Variants in SERGEF observed in about 807,000 individuals in gnomAD.
SERGEF encodes secretion-regulating guanine nucleotide exchange factor.
A neutral mutation model predicts 50.0 loss-of-function variants in SERGEF; 51 were observed. The ratio of observed to expected loss-of-function variants is 1.02; its 90% CI spans 0.81 to 1.29. The LOEUF is 1.29. SERGEF is among the 50% of genes most tolerant of loss of function. The pLI is 0.00. For missense variants in SERGEF, 521 were observed against 557.0 expected (o/e 0.94, Z 0.65); for synonymous variants, 205 against 212.4 (o/e 0.97, Z 0.30).
intron 10 of SERGEF, among the ~76,000 whole-genome samples, chr11:17,874,518 G>GA (rs1445117430): frequency 6.6e-6 from 1 of 152,192 alleles, no homozygotes; most frequent in African/African-American, 2.4e-5. Flanking sequence ...AACTTAATTG[G>GA]AAAACTAAGG....
chr11:17,788,272 A>T lies in SERGEF; in HGVS notation c.1190T>A (p.Leu397Ter). The T allele has an allele frequency of 1.9e-6, 3 of 1,613,946 alleles. No individual in the cohort carries two copies. The highest frequency in any genetic ancestry group is 2.5e-6 in the Non-Finnish European group (3 of 1,179,938). ...GTGAGCTGGCAGCTGGCAGAGGGCC[A>T]AGGAGTGGCCAGCCCCACAGCCCAC... ...LLVGCGAGHS[L>*]ALCQLPAHPA... Residue 397 changes from leucine (L) to a stop codon, truncating the protein, a stop_gained, in exon 11 of 11, where the codon TTG becomes TAG. Coordinates refer to ENST00000265965, the MANE Select transcript of SERGEF (RefSeq NM_012139.4). LOFTEE classifies it low-confidence loss of function (END_TRUNC).
chr11:17,982,859 G>A (rs1853519502), intron 8 of SERGEF, among the ~76,000 whole-genome samples: 1 of 152,046 alleles, frequency 6.6e-6, no homozygotes, highest in Non-Finnish European at 1.5e-5. Context: ...CAATCAAAAG[G>A]ATATAACCAC....
At chr11:17,924,173 A>G (rs1347830158) in intron 9 of SERGEF, among the ~76,000 whole-genome samples, 1 of 152,246 alleles carries the variant, frequency 6.6e-6, no homozygotes, top group African/African-American at 2.4e-5. Flanking sequence ...GGTAAGAGGG[A>G]GAGAAAAACA....
intron 9 of SERGEF, among the ~76,000 whole-genome samples, chr11:17,905,365 T>C (rs911082732): frequency 1.3e-5 from 2 of 152,250 alleles, no homozygotes; most frequent in African/African-American, 4.8e-5. Context: ...AAAAGTGCAA[T>C]GGCCTGGGTT....
chr11:17,917,550 C>T (rs991998501), intron 9 of SERGEF, among the ~76,000 whole-genome samples: 1 of 151,942 alleles, frequency 6.6e-6, no homozygotes, highest in Admixed American at 6.6e-5. Context: ...CACCTGTTCC[C>T]CAAAAATCTA....
chr11:18,003,298 C>T (rs1424904544), intron 4 of SERGEF, among the ~76,000 whole-genome samples: 1 of 152,202 alleles, frequency 6.6e-6, no homozygotes, highest in African/African-American at 2.4e-5. Context: ...ATTATGATCA[C>T]TTACAATATA....
rs1028277773 is a variant in SERGEF, at chr11:17,788,316, C to T, written c.1146G>A (p.Leu382=). 17 of 1,614,230 alleles carry T rather than the reference C, an allele frequency of 1.1e-5. No individual in the cohort carries two copies. The highest frequency in any genetic ancestry group is 1.3e-5 in the Non-Finnish European group (15 of 1,180,042). Residue 382 remains leucine (L), a synonymous_variant, in exon 11 of 11, where the codon CTG becomes CTA. Coordinates refer to ENST00000265965, the MANE Select transcript of SERGEF (RefSeq NM_012139.4). ...VWAPKPVQAL[L]SSSGLLVGCG... The stretch of plus-strand genomic sequence containing the variant: ...AGCCCACAAGGAGTCCTGACGATGA[C>T]AGCAGAGCCTGCACCGGCTTTGGGG...
intron 9 of SERGEF, among the ~76,000 whole-genome samples, chr11:17,945,303 A>G (rs889574393): frequency 2.6e-5 from 4 of 152,256 alleles, no homozygotes; most frequent in African/African-American, 9.6e-5. Flanking sequence ...CTCTGGAAAA[A>G]TCAAATGGAA....
chr11:17,789,263 C>CTGTAGTGAGGGATGATT (rs1849438738), intron 10 of SERGEF, among the ~76,000 whole-genome samples: 1 of 152,220 alleles, frequency 6.6e-6, no homozygotes, highest in African/African-American at 2.4e-5. Flanking sequence ...ATCTGGCACT[C>CTGTAGTGAGGGATGATT]TGTAGTGAGG....
chr11:17,897,794 C>A (rs1851675725), intron 9 of SERGEF, among the ~76,000 whole-genome samples: 1 of 152,340 alleles, frequency 6.6e-6, no homozygotes, highest in South Asian at 2.1e-4. Flanking sequence ...TCCTGTCTGA[C>A]TTTTCTGCCT....
At position 17,994,457 on chromosome 11, in the gene SERGEF, CAG is replaced by C. The variant is rs1853790592; in HGVS notation, c.622+1337_622+1338del. Among the ~76,000 whole-genome samples, 5 of 106,256 alleles carry C rather than the reference CAG, an allele frequency of 4.7e-5. No homozygotes were observed. The South Asian group carries it at 1.7e-3, about 37-fold the overall frequency. 69.7% of individuals were successfully genotyped at this position (106,256 alleles called of 152,430 possible). A position where few individuals can be genotyped will look rare whatever the true frequency, so the allele number is the denominator to read the frequency against. On this transcript the variant is annotated intron_variant, in intron 6 of 10. Transcript: ENST00000265965. ...CGCCACTGCACTCCAGCCTGGGCGA[CAG>C]AGTGAGACTCTGTCTCAAAAAAAAA...
At chr11:17,886,824 G>A (rs1851438844) in intron 9 of SERGEF, among the ~76,000 whole-genome samples, 1 of 152,106 alleles carries the variant, frequency 6.6e-6, no homozygotes, top group East Asian at 1.9e-4. Context: ...CCTTCTAAGG[G>A]AATGTCTTCA....
At chr11:17,836,902 A>G (rs1159741800) in intron 10 of SERGEF, among the ~76,000 whole-genome samples, 2 of 152,232 alleles carry the variant, frequency 1.3e-5, no homozygotes, top group Non-Finnish European at 2.9e-5. Context: ...AGGGGAGTCC[A>G]AAAGAACAGA....
rs1590203474 is a variant in SERGEF, at chr11:17,929,906, T to C, written c.1011+29564A>G. ...TCATTACTTTATAGTCTCAGATAGA[T>C]GGTAAGCTCCATGTGAGCGGGGACT... On this transcript the variant is annotated intron_variant, in intron 9 of 10. Coordinates refer to ENST00000265965, the MANE Select transcript of SERGEF (RefSeq NM_012139.4). 3.9e-5 allele frequency among the ~76,000 whole-genome samples: 6 copies of C among 152,314 alleles called. No homozygotes were observed. In the South Asian group the frequency reaches 1.2e-3, roughly 32 times the overall value.
chr11:17,992,885 C>T, intron 7 of SERGEF, 46 bp downstream of exon 7: 2 of 1,514,816 alleles, frequency 1.3e-6, no homozygotes, highest in Non-Finnish European at 1.8e-6. Context: ...CAGTCACATA[C>T]AGAATCCTGA....
At chr11:17,990,570 C>T (rs989092884) in intron 7 of SERGEF, among the ~76,000 whole-genome samples, 1 of 152,184 alleles carries the variant, frequency 6.6e-6, no homozygotes, top group African/African-American at 2.4e-5. Context: ...ATCTTAGTAG[C>T]TCTAAACCAT....
Position 17,808,453 on chromosome 11 carries a change from T to A in SERGEF, c.1049-20040A>T, listed in dbSNP as rs996910363. Among the ~76,000 whole-genome samples the A allele has an allele frequency of 8.6e-5, 13 of 151,886 alleles. No homozygotes were observed. In the East Asian group the frequency reaches 9.7e-4, roughly 11 times the overall value. On this transcript the variant is annotated intron_variant, in intron 10 of 10. Coordinates refer to ENST00000265965, the MANE Select transcript of SERGEF (RefSeq NM_012139.4). ...TGCCATGCGCTTTTAAACAACCAAATCACACATGAACTCAGAAAGAGAACT... is the reference window on the plus strand; with the variant it reads ...TGCCATGCGCTTTTAAACAACCAAAACACACATGAACTCAGAAAGAGAACT...
intron 9 of SERGEF, among the ~76,000 whole-genome samples, chr11:17,912,118 G>C (rs527840048): frequency 4.6e-5 from 7 of 152,134 alleles, no homozygotes; most frequent in African/African-American, 7.2e-5. Context: ...ACAGAGAGAA[G>C]AGCAGGGGCT....
At chr11:17,837,133 A>G (rs946937492) in intron 10 of SERGEF, among the ~76,000 whole-genome samples, 6 of 152,122 alleles carry the variant, frequency 3.9e-5, no homozygotes, top group African/African-American at 1.4e-4. Flanking sequence ...ACTGCCAGGT[A>G]ATACCCTTCT....
Sources: allele counts gnomAD v4.1 joint callset (sites outside exome capture counted in the v4.1 genomes callset), GRCh38; gene constraint gnomAD v4.1.1; transcripts MANE v1.5; gene names NCBI Gene and HGNC (gene_info 2026-07-23, HGNC 2026-07-21).